The following KLHL32 variants were observed in gnomAD, a reference collection of about 807,000 sequenced individuals.
KLHL32 encodes the protein kelch like family member 32, also known as kelch-like protein 32.
KLHL32 carries 35 observed loss-of-function variants against 64.8 expected under a neutral mutation model. The ratio of observed to expected loss-of-function variants is 0.54; its 90% CI spans 0.41 to 0.72. The LOEUF (loss-of-function observed/expected upper bound fraction) is 0.72, where lower values mean the gene tolerates loss of function less well. Ranked by LOEUF, KLHL32 falls within the 30% of genes least tolerant of loss-of-function variation. The pLI, the probability that KLHL32 is intolerant of heterozygous loss-of-function variation, is 0.00. For synonymous variants in KLHL32, 259 were observed against 281.0 expected, an observed-to-expected ratio of 0.92 and a Z score of 0.78; for missense variants, 589 against 768.5, an observed-to-expected ratio of 0.77 and a Z score of 2.76.
chr6:97,091,564 A>C (rs573773864), intron 6 of KLHL32, among the ~76,000 whole-genome samples: 3 of 152,126 alleles, frequency 2.0e-5, no homozygotes, highest in Non-Finnish European at 4.4e-5. Flanking sequence ...CACCTGCCCA[A>C]TGCCTTCCCA....
chr6:96,941,335 G>A (rs886089223), intron 1 of KLHL32, among the ~76,000 whole-genome samples: 2 of 152,034 alleles, frequency 1.3e-5, no homozygotes, highest in African/African-American at 4.8e-5. Context: ...AAATACTAAG[G>A]CTTCTCTCTA....
chr6:96,983,608 G>T lies in KLHL32; in HGVS notation c.204+7431G>T, dbSNP rs866008568. Among the ~76,000 whole-genome samples, 6 of 152,386 alleles carry T rather than the reference G, an allele frequency of 3.9e-5. No homozygotes were observed. In the Middle Eastern group the frequency reaches 0.014, roughly 346 times the overall value. ...TTCAACTTCTTCCTGATTTAGTCTTGGGAGGGTGTATGTGTCGGGGAATTT... is the reference window on the plus strand; with the variant it reads ...TTCAACTTCTTCCTGATTTAGTCTTTGGAGGGTGTATGTGTCGGGGAATTT... On this transcript the variant is annotated intron_variant, in intron 3 of 10. Coordinates refer to ENST00000369261, the MANE Select transcript of KLHL32 (RefSeq NM_052904.4).
chr6:97,079,890 T>C (rs1017800708), intron 5 of KLHL32, among the ~76,000 whole-genome samples: 12 of 152,200 alleles, frequency 7.9e-5, no homozygotes, highest in African/African-American at 2.9e-4. Context: ...AGATTTTCTT[T>C]TACTCAAGAG....
intron 1 of KLHL32, among the ~76,000 whole-genome samples, chr6:96,944,069 G>A (rs931756173): frequency 2.6e-5 from 4 of 152,188 alleles, no homozygotes; most frequent in East Asian, 3.9e-4. Context: ...AGCTGTATTC[G>A]TTCCCTGTCA....
chr6:96,994,242 A>G (rs1220139529), intron 3 of KLHL32, among the ~76,000 whole-genome samples: 2 of 152,236 alleles, frequency 1.3e-5, no homozygotes, highest in Non-Finnish European at 2.9e-5. Context: ...ATCTGGAAAG[A>G]GTATCCTGTC....
intron 6 of KLHL32, among the ~76,000 whole-genome samples, chr6:97,098,481 A>G (rs1262707073): frequency 6.6e-6 from 1 of 152,198 alleles, no homozygotes; most frequent in Non-Finnish European, 1.5e-5. Context: ...AAGTGACAGC[A>G]TCATAATTAT....
chr6:96,958,256 AAGTAATTAT>A (rs1275298314), intron 1 of KLHL32, among the ~76,000 whole-genome samples: 13 of 152,136 alleles, frequency 8.5e-5, no homozygotes, highest in Non-Finnish European at 1.6e-4. Flanking sequence ...CCACCCCAAC[AAGTAATTAT>A]ATAGAGTGCT....
intron 2 of KLHL32, among the ~76,000 whole-genome samples, chr6:96,967,398 A>T (rs186209375): frequency 6.6e-6 from 1 of 152,224 alleles, no homozygotes; most frequent in Admixed American, 6.5e-5. Context: ...AAAGGAATCA[A>T]AAAACTATAC....
intron 4 of KLHL32, among the ~76,000 whole-genome samples, chr6:97,048,876 A>G (rs1046001354): frequency 6.6e-6 from 1 of 152,196 alleles, no homozygotes; most frequent in Non-Finnish European, 1.5e-5. Context: ...ATGGGAGAAA[A>G]TTTTTAAAAT....
rs567614431 is a variant in KLHL32, at chr6:96,989,638, G to A, written c.204+13461G>A. Among the ~76,000 whole-genome samples, 13 of 152,176 alleles carry A rather than the reference G, an allele frequency of 8.5e-5. No individual in the cohort carries two copies. The East Asian group carries it at 2.5e-3, about 29-fold the overall frequency. ...TTCTCTACATCTCCTGAATTTGAAT[G>A]TTCACCTCTCTAATGAAACTTGGGA... On this transcript the variant is annotated intron_variant, in intron 3 of 10. Transcript: ENST00000369261.
At chr6:96,964,439 G>A (rs1305943737) in intron 1 of KLHL32, among the ~76,000 whole-genome samples, 5 of 152,196 alleles carry the variant, frequency 3.3e-5, no homozygotes, top group East Asian at 1.9e-4. Context: ...GGATCACAAG[G>A]TCAGGAGATC....
chr6:96,914,975 G>A, the KLHL32 span: 1 of 152,126 alleles, frequency 6.6e-6, no homozygotes, highest in Non-Finnish European at 1.5e-5. Flanking sequence ...AGGACTATAG[G>A]CACGGACCAT....
intron 1 of KLHL32, among the ~76,000 whole-genome samples, chr6:96,946,930 G>A (rs1191179195): frequency 6.6e-6 from 1 of 151,890 alleles, no homozygotes; most frequent in Non-Finnish European, 1.5e-5. Flanking sequence ...AAAAATATTG[G>A]GTTCTATATA....
At chr6:96,970,166 G>T (rs1420857709) in intron 2 of KLHL32, among the ~76,000 whole-genome samples, 1 of 152,118 alleles carries the variant, frequency 6.6e-6, no homozygotes, top group East Asian at 1.9e-4. Context: ...TCATTCAGCT[G>T]AACCACAGCC....
chr6:97,115,213 A>G (rs983770701), intron 7 of KLHL32, among the ~76,000 whole-genome samples: 2 of 152,162 alleles, frequency 1.3e-5, no homozygotes, highest in African/African-American at 4.8e-5. Context: ...GCAGGGTTTC[A>G]CTACATTGCC....
chr6:96,909,794 T>G, the KLHL32 span, among the ~76,000 whole-genome samples: 1 of 152,258 alleles, frequency 6.6e-6, no homozygotes, highest in Non-Finnish European at 1.5e-5. Flanking sequence ...TGAAAGCATG[T>G]GTCTTTTTGT....
chr6:97,113,119 C>T (rs966944214), intron 6 of KLHL32, among the ~76,000 whole-genome samples: 12 of 151,990 alleles, frequency 7.9e-5, no homozygotes, highest in East Asian at 1.9e-4. Context: ...CTTACATGTG[C>T]AAATTACAAC....
rs552690443 is a variant in KLHL32 at position 96,986,837 on chromosome 6, C to T, written c.204+10660C>T. 2.2e-4 allele frequency among the ~76,000 whole-genome samples: 33 copies of T among 152,104 alleles called. 1 individual carries two copies. In the South Asian group the frequency reaches 5.2e-3, roughly 24 times the overall value. On this transcript the variant is annotated intron_variant, in intron 3 of 10. Transcript: ENST00000369261. Reference sequence around the variant, plus strand: ...GCACTTCCTGGGTGAGACGATGCCTCGCCCTGCTTCAGCTCATGCTTGGTG... The same window carrying T: ...GCACTTCCTGGGTGAGACGATGCCTTGCCCTGCTTCAGCTCATGCTTGGTG...
intron 3 of KLHL32, among the ~76,000 whole-genome samples, chr6:97,023,196 A>G (rs7768850): frequency 6.6e-6 from 1 of 151,960 alleles, no homozygotes; most frequent in Non-Finnish European, 1.5e-5. Context: ...TACTAAATAC[A>G]TATAATTTAG....
Sources: allele counts gnomAD v4.1 joint callset (sites outside exome capture counted in the v4.1 genomes callset), GRCh38; gene constraint gnomAD v4.1.1; transcripts MANE v1.5; gene names NCBI Gene and HGNC (gene_info 2026-07-23, HGNC 2026-07-21).